The following ADAMTS17 variants were observed in gnomAD, a reference collection of about 807,000 sequenced individuals.
ADAMTS17 encodes the protein ADAM metallopeptidase with thrombospondin type 1 motif 17, also known as A disintegrin and metalloproteinase with thrombospondin motifs 17.
A neutral mutation model predicts 141.5 loss-of-function variants in ADAMTS17; 113 were observed. The observed-to-expected ratio is 0.80, with a 90% CI of 0.69 to 0.93. The LOEUF is 0.93. Among genes scored for constraint, ADAMTS17 ranks in the 40% least tolerant of loss-of-function variants. The pLI is 0.00. For synonymous variants in ADAMTS17, 768 were observed against 630.6 expected (o/e 1.22, Z -3.27); for missense variants, 1,659 against 1,517.9 (o/e 1.09, Z -1.54).
rs774446035 is a variant in ADAMTS17, at chr15:100,101,310, G to A, written c.2017-4834C>T. 3.5e-4 allele frequency among the ~76,000 whole-genome samples: 54 copies of A among 152,152 alleles called. 1 individual carries two copies. The highest frequency in any genetic ancestry group is 1.9e-4 in the East Asian group (1 of 5,190). The stretch of plus-strand genomic sequence containing the variant: ...ACATACCAATCTCTGGAATGATCAC[G>A]TTTGTGAGCTGACATGGCCTGTCTG... On this transcript the variant is annotated intron_variant, in intron 14 of 21. Coordinates refer to ENST00000268070, the MANE Select transcript of ADAMTS17 (RefSeq NM_139057.4).
chr15:99,974,314 T>TG lies in ADAMTS17; in HGVS notation c.*87dup, dbSNP rs890248829. On this transcript the variant is annotated 3_prime_UTR_variant, in exon 22 of 22. Coordinates refer to ENST00000268070, the MANE Select transcript of ADAMTS17 (RefSeq NM_139057.4). ...TAGTTGGATTCTTGTGGCAGCCGGG[T>TG]GGGGGCGTGGCCACAAGGCTGGTAG... 1.4e-5 allele frequency: 22 copies of TG among 1,558,026 alleles called. No individual in the cohort carries two copies. In the Middle Eastern group the frequency reaches 8.3e-4, roughly 59 times the overall value.
At chr15:100,313,986 C>T (rs2045482996) in intron 3 of ADAMTS17, among the ~76,000 whole-genome samples, 1 of 91,430 alleles carries the variant, frequency 1.1e-5, no homozygotes, top group African/African-American at 4.3e-5. Context: ...ACAAAACCAC[C>T]CCAAACGTCA....
chr15:100,109,652 A>G (rs2036626382), intron 13 of ADAMTS17, among the ~76,000 whole-genome samples: 1 of 152,086 alleles, frequency 6.6e-6, no homozygotes, highest in Admixed American at 6.5e-5. Context: ...GAGTGGGAGT[A>G]AGGTACAAAG....
At chr15:100,043,308 T>G (rs2031413678) in intron 18 of ADAMTS17, among the ~76,000 whole-genome samples, 1 of 152,204 alleles carries the variant, frequency 6.6e-6, no homozygotes, top group Admixed American at 6.5e-5. Flanking sequence ...CACTCATTCT[T>G]TAAGTCTGAT....
intron 20 of ADAMTS17, chr15:99,978,980 T>C (rs1485431989): frequency 6.6e-6 from 1 of 152,288 alleles, no homozygotes; most frequent in East Asian, 1.9e-4. Flanking sequence ...GTTGTGTCTC[T>C]GCACACACAA....
At chr15:100,101,048 T>A (rs2036068426) in intron 14 of ADAMTS17, among the ~76,000 whole-genome samples, 2 of 152,182 alleles carry the variant, frequency 1.3e-5, no homozygotes. Context: ...CTCCTCTGCA[T>A]CAATTCTGCC....
chr15:100,208,300 C>A (rs145190478), intron 7 of ADAMTS17, among the ~76,000 whole-genome samples: 1 of 152,248 alleles, frequency 6.6e-6, no homozygotes, highest in Admixed American at 6.5e-5. Flanking sequence ...ACATGTGCTG[C>A]TTGTTCTTTT....
At chr15:100,067,378 C>A (rs972397208) in intron 15 of ADAMTS17, among the ~76,000 whole-genome samples, 2 of 152,276 alleles carry the variant, frequency 1.3e-5, no homozygotes, top group Admixed American at 1.3e-4. Context: ...AGTAGCCTAT[C>A]TGTCTCAGCA....
intron 7 of ADAMTS17, among the ~76,000 whole-genome samples, chr15:100,209,236 AG>A (rs2041706318): frequency 6.6e-6 from 1 of 151,996 alleles, no homozygotes; most frequent in Non-Finnish European, 1.5e-5. Flanking sequence ...GTGGACTTTT[AG>A]TGAAACCTCG....
intron 6 of ADAMTS17, among the ~76,000 whole-genome samples, chr15:100,255,617 A>ACACACACACACACACACACACACACAC (rs2043299663): frequency 7.1e-6 from 1 of 140,296 alleles, no homozygotes; most frequent in African/African-American, 2.7e-5. Context: ...TGTTTTGAGC[A>ACACACACACACACACACACACACACAC]ACACACACAC....
intron 15 of ADAMTS17, among the ~76,000 whole-genome samples, chr15:100,081,350 C>A (rs894486023): frequency 6.6e-6 from 1 of 151,824 alleles, no homozygotes; most frequent in African/African-American, 2.4e-5. Context: ...ATAAACTCCC[C>A]TATATATATA....
chr15:100,297,164 A>C (rs535050119), intron 3 of ADAMTS17, among the ~76,000 whole-genome samples: 1 of 152,178 alleles, frequency 6.6e-6, no homozygotes, highest in Non-Finnish European at 1.5e-5. Context: ...TGGGAACAGC[A>C]TATACACAGG....
At chr15:100,320,655 A>T (rs1404674967) in intron 3 of ADAMTS17, among the ~76,000 whole-genome samples, 1 of 152,166 alleles carries the variant, frequency 6.6e-6, no homozygotes, top group Non-Finnish European at 1.5e-5. Context: ...CTACATGGTG[A>T]AACCCTGTCT....
chr15:100,039,035 A>T (rs1221585540), intron 18 of ADAMTS17, among the ~76,000 whole-genome samples: 1 of 152,248 alleles, frequency 6.6e-6, no homozygotes, highest in African/African-American at 2.4e-5. Context: ...AACTTAGGGC[A>T]TACGGCTGTT....
chr15:100,321,425 T>TA (rs2045731071), intron 3 of ADAMTS17, among the ~76,000 whole-genome samples: 2 of 152,268 alleles, frequency 1.3e-5, no homozygotes, highest in Admixed American at 6.5e-5. Context: ...TGACATTTTT[T>TA]AAAAAATTCA....
rs1355078313 is a variant in ADAMTS17 at position 100,111,279 on chromosome 15, CAT to C, written c.1889-2165_1889-2164del. On this transcript the variant is annotated intron_variant, in intron 13 of 21. Coordinates refer to ENST00000268070, the MANE Select transcript of ADAMTS17 (RefSeq NM_139057.4). ...GTACAGCAAACCCAGGGTGAGGCCA[CAT>C]GTTTCAGGTCTGATGGGAGCTGTCG... Among the ~76,000 whole-genome samples, 4 of 152,320 alleles carry C rather than the reference CAT, an allele frequency of 2.6e-5. No individual in the cohort carries two copies. The East Asian group carries it at 5.8e-4, about 22-fold the overall frequency.
At chr15:100,299,706 C>T (rs1188685449) in intron 3 of ADAMTS17, among the ~76,000 whole-genome samples, 1 of 152,164 alleles carries the variant, frequency 6.6e-6, no homozygotes, top group African/African-American at 2.4e-5. Flanking sequence ...TCATCTTTGA[C>T]AAGGATGTAA....
chr15:100,219,881 C>T (rs1317051671), intron 7 of ADAMTS17, among the ~76,000 whole-genome samples: 1 of 152,296 alleles, frequency 6.6e-6, no homozygotes, highest in African/African-American at 2.4e-5. Context: ...TTTCTACTTT[C>T]CACTGAGCAT....
intron 3 of ADAMTS17, among the ~76,000 whole-genome samples, chr15:100,308,203 A>C (rs1567517866): frequency 6.6e-6 from 1 of 152,052 alleles, no homozygotes; most frequent in Non-Finnish European, 1.5e-5. Flanking sequence ...ACTCACACAC[A>C]CCCCACAAAA....
Sources: gnomAD v4.1 joint callset for allele counts (sites outside exome capture counted in the v4.1 genomes callset) on GRCh38, gnomAD v4.1.1 for gene constraint, MANE v1.5 for transcripts, NCBI Gene and HGNC (gene_info 2026-07-23, HGNC 2026-07-21) for gene names.